The following CFAP410 variants were observed in gnomAD, a reference collection of about 807,000 sequenced individuals.
The protein encoded by CFAP410 is cilia- and flagella-associated protein 410.
In CFAP410, 27 loss-of-function variants were observed where a neutral mutation model predicts 25.7. The ratio of observed to expected loss-of-function variants is 1.05; its 90% CI spans 0.77 to 1.45. CFAP410 has a LOEUF of 1.45. Among genes scored for constraint, CFAP410 ranks in the 40% most tolerant of loss-of-function variants. CFAP410 has a pLI of 0.00. For synonymous variants in CFAP410, 178 were observed against 158.4 expected (o/e 1.12, Z -0.93); for missense variants, 428 against 354.1 (o/e 1.21, Z -1.67).
At chr21:44,332,120 G>T in intron 4 of CFAP410, 106 bp from the exon 5 acceptor site, 3 of 917,016 alleles carry the variant, frequency 3.3e-6, no homozygotes, top group South Asian at 1.8e-5. Flanking sequence ...GTCTGCTTGT[G>T]AAATGCATGC....
At chr21:44,337,096 A>G (rs530667565) in intron 2 of CFAP410, among the ~76,000 whole-genome samples, 12 of 151,562 alleles carry the variant, frequency 7.9e-5, no homozygotes, top group South Asian at 2.1e-4. Context: ...AAAAAAAAAA[A>G]AAAGAAAGAA....
In CFAP410 at chr21:44,329,441, G is replaced by C. The variant is rs887727255; in HGVS notation, c.*757C>G. On this transcript the variant is annotated 3_prime_UTR_variant, in exon 7 of 7. Transcript: ENST00000339818. ...GGCCACGGGTCACTGCCCAGATTGT[G>C]GCATCCTCATAAGACTTGCGACTCT... The C allele has an allele frequency of 6.6e-6, 1 of 152,168 alleles. No homozygotes were observed. The highest frequency in any genetic ancestry group is 1.5e-5 in the Non-Finnish European group (1 of 68,046). The allele number at this position is 152,168 out of a possible 1,614,324, so 9.4% of individuals were successfully genotyped here. A position where few individuals can be genotyped will look rare whatever the true frequency, so the allele number is the denominator to read the frequency against.
chr21:44,337,292 G>A (rs1322694124), intron 2 of CFAP410, among the ~76,000 whole-genome samples: 1 of 152,198 alleles, frequency 6.6e-6, no homozygotes, highest in Non-Finnish European at 1.5e-5. Flanking sequence ...AAGAGGGGGT[G>A]TAGACCTTCA....
rs971663207 is a variant in CFAP410, at chr21:44,339,330, A to G, written c.-136T>C. ...TCCTGAGCCGATTGGCGGCTCGGTG[A>G]GGAGAGCGGGGCGACGCGAGCCCGC... On this transcript the variant is annotated 5_prime_UTR_variant, in exon 1 of 7. Transcript: ENST00000339818. 1 of 489,844 alleles carries G rather than the reference A, an allele frequency of 2.0e-6. No individual in the cohort carries two copies. The highest frequency in any genetic ancestry group is 3.4e-6 in the Non-Finnish European group (1 of 296,472). The allele number at this position is 489,844 out of a possible 1,614,324, so 30.3% of individuals were successfully genotyped here.
chr21:44,337,608 G>A, intron 2 of CFAP410, 41 bp downstream of exon 2: 2 of 1,588,552 alleles, frequency 1.3e-6, no homozygotes, highest in Middle Eastern at 1.7e-4. Flanking sequence ...GCTATTTGGA[G>A]ATGATCAGTG....
At chr21:44,338,091 T>A (rs774841026) in intron 1 of CFAP410, 4 of 337,452 alleles carry the variant, frequency 1.2e-5, no homozygotes, top group Non-Finnish European at 2.2e-5. Flanking sequence ...TTGTTGTTTC[T>A]CCCAGCTTAG....
intron 3 of CFAP410, chr21:44,334,554 C>T (rs544855045): frequency 3.2e-4 from 109 of 343,254 alleles, no homozygotes; most frequent in Non-Finnish European, 5.5e-4. Context: ...TGGGCGGGCA[C>T]GCGCACCCCT....
intron 2 of CFAP410, among the ~76,000 whole-genome samples, chr21:44,337,092 A>AAAT (rs1039732025): frequency 2.0e-5 from 3 of 151,306 alleles, no homozygotes; most frequent in Non-Finnish European, 4.4e-5. Context: ...GTAAAAAAAA[A>AAAT]AAAAAAAGAA....
At chr21:44,331,764 G>A in intron 5 of CFAP410, 79 bp downstream of exon 5, 1 of 1,376,870 alleles carries the variant, frequency 7.3e-7, no homozygotes, top group Non-Finnish European at 9.9e-7. Context: ...CAGCTCACGG[G>A]AAGCCCCATT....
chr21:44,332,293 A>C (rs3761392), intron 4 of CFAP410: 316,190 of 391,850 alleles, frequency 0.81, 128,460 homozygotes, highest in South Asian at 0.88. Flanking sequence ...ACCTCAACTA[A>C]GACACAATAG....
At position 44,332,550 on chromosome 21, in the gene CFAP410, G is replaced by A. The variant is rs1231383863; in HGVS notation, c.373+483C>T. ...CACGAGTGCCTCCAATAGGTGGAGC[G>A]CAGCAGCAGGCACTGCGGTGCTGGG... On this transcript the variant is annotated intron_variant, in intron 4 of 6. Transcript: ENST00000339818. 2.4e-5 allele frequency: 4 copies of A among 168,408 alleles called. No homozygotes were observed. In the South Asian group the frequency reaches 5.3e-4, roughly 22 times the overall value. 10.4% of individuals were successfully genotyped at this position (168,408 alleles called of 1,614,324 possible).
chr21:44,332,673 G>A, intron 4 of CFAP410: 1 of 282,720 alleles, frequency 3.5e-6, no homozygotes, highest in Non-Finnish European at 6.7e-6. Flanking sequence ...GTGCGATGCT[G>A]CTTGCCAGAT....
intron 3 of CFAP410, chr21:44,333,671 G>A: frequency 3.3e-6 from 1 of 299,518 alleles, no homozygotes. Context: ...CCAGCTCCAC[G>A]TGACATGGGA....
At chr21:44,330,711 C>A in intron 6 of CFAP410, 112 bp downstream of exon 6, 1 of 1,549,312 alleles carries the variant, frequency 6.5e-7, no homozygotes, top group Non-Finnish European at 8.7e-7. Context: ...TGTGAGGCTC[C>A]ATGCTCCCTC....
chr21:44,332,121 A>G (rs927936854), intron 4 of CFAP410, 107 bp from the exon 5 acceptor site: 59 of 901,294 alleles, frequency 6.5e-5, no homozygotes, highest in Non-Finnish European at 7.6e-5. Context: ...TCTGCTTGTG[A>G]AATGCATGCA....
Position 44,339,111 on chromosome 21 carries a change from G to A in CFAP410, c.77+7C>T, listed in dbSNP as rs1364894195. 1.4e-6 allele frequency: 2 copies of A among 1,424,252 alleles called. No individual in the cohort carries two copies. Among genetic ancestry groups the A allele is most frequent in the Non-Finnish European group, 1.9e-6 (2 of 1,077,408 alleles). The allele number at this position is 1,424,252 out of a possible 1,614,324, so 88.2% of individuals were successfully genotyped here. On this transcript the variant is annotated splice_region_variant and intron_variant, in intron 1 of 6. Coordinates refer to ENST00000339818, the MANE Select transcript of CFAP410 (RefSeq NM_004928.3). The stretch of plus-strand genomic sequence containing the variant: ...CCCGGGGCGGCCGCGGCCAGGCCCC[G>A]CCTCACCAGCAGTTGAGCTTGCGCA...
intron 3 of CFAP410, chr21:44,334,309 G>A (rs1407529283): frequency 4.4e-6 from 2 of 455,522 alleles, no homozygotes; most frequent in African/African-American, 4.0e-5. Flanking sequence ...GCCCCTGGGT[G>A]ACTCAGTGAG....
Position 44,330,896 on chromosome 21 carries a change from C to A in CFAP410, c.569G>T (p.Gly190Val), listed in dbSNP as rs752399030. 7.1e-5 allele frequency: 114 copies of A among 1,599,460 alleles called. 1 individual carries two copies. In the South Asian group the frequency reaches 1.2e-3, roughly 17 times the overall value. The change falls in exon 6 of 7, where the codon GGC becomes GTC. Residue 190 changes from glycine (G) to valine (V), a missense_variant. Transcript: ENST00000339818. ...CTGGCCCCGGGAAGGCGGCTTCAGGCCACGTTCATCCTGGGCGCCGCTGCT... is the reference window on the plus strand; with the variant it reads ...CTGGCCCCGGGAAGGCGGCTTCAGGACACGTTCATCCTGGGCGCCGCTGCT... ...EATSGAQDER[G>V]LKPPSRGQFP...
chr21:44,339,101 G>A lies in CFAP410; in HGVS notation c.77+17C>T. 2 of 1,416,216 alleles carry A rather than the reference G, an allele frequency of 1.4e-6. No individual in the cohort carries two copies. The highest frequency in any genetic ancestry group is 1.9e-6 in the Non-Finnish European group (2 of 1,073,964). 87.7% of individuals were successfully genotyped at this position (1,416,216 alleles called of 1,614,324 possible). On this transcript the variant is annotated intron_variant, in intron 1 of 6. Coordinates refer to ENST00000339818, the MANE Select transcript of CFAP410 (RefSeq NM_004928.3). Reference sequence around the variant, plus strand: ...CTCCCCCCACCCCGGGGCGGCCGCGGCCAGGCCCCGCCTCACCAGCAGTTG... The same window carrying A: ...CTCCCCCCACCCCGGGGCGGCCGCGACCAGGCCCCGCCTCACCAGCAGTTG...
Sources: allele counts gnomAD v4.1 joint callset (sites outside exome capture counted in the v4.1 genomes callset), GRCh38; gene constraint gnomAD v4.1.1; transcripts MANE v1.5; gene names NCBI Gene and HGNC (gene_info 2026-07-23, HGNC 2026-07-21).